Variants in IL36RN observed in about 807,000 individuals in gnomAD.
The protein encoded by IL36RN is interleukin 36 receptor antagonist.
Under a neutral mutation model 13.0 loss-of-function variants are expected in IL36RN, and 11 were observed. The ratio of observed to expected loss-of-function variants is 0.85; its 90% CI spans 0.53 to 1.40. The LOEUF (loss-of-function observed/expected upper bound fraction) is 1.40. Among genes scored for constraint, IL36RN ranks in the 40% most tolerant of loss-of-function variants. The probability of loss-of-function intolerance (pLI) is 0.00; values close to 1 mark genes in which losing one functional copy is unlikely to be tolerated. For missense variants in IL36RN, 195 were observed against 195.3 expected, an observed-to-expected ratio of 1.00 and a Z score of 0.01; for synonymous variants, 94 against 84.1, an observed-to-expected ratio of 1.12 and a Z score of -0.64.
Position 113,064,592 on chromosome 2 carries a change from G to C in IL36RN, c.*1915G>C, listed in dbSNP as rs887575232. The C allele has an allele frequency of 6.6e-6, 1 of 152,162 alleles. No homozygotes were observed. The highest frequency in any genetic ancestry group is 2.1e-4 in the South Asian group (1 of 4,826). 9.4% of individuals were successfully genotyped at this position (152,162 alleles called of 1,614,324 possible). A position where few individuals can be genotyped will look rare whatever the true frequency, so the allele number is the denominator to read the frequency against. Reference sequence around the variant, plus strand: ...TGAGCAGGCCTATAAAGAGACTTACGTGGTAAAAAATGAAGTCTCCTGCCC... The same window carrying C: ...TGAGCAGGCCTATAAAGAGACTTACCTGGTAAAAAATGAAGTCTCCTGCCC... On this transcript the variant is annotated 3_prime_UTR_variant, in exon 5 of 5. Coordinates refer to ENST00000393200, the MANE Select transcript of IL36RN (RefSeq NM_012275.3).
chr2:113,059,098 T>A, upstream of IL36RN: 1 of 394,580 alleles, frequency 2.5e-6, no homozygotes, highest in South Asian at 2.8e-5. Context: ...CTTAGGGTGA[T>A]GTGAAATCAC....
chr2:113,062,424 T>G lies in IL36RN; in HGVS notation c.244-29T>G, dbSNP rs200081179. 6 of 1,612,902 alleles carry G rather than the reference T, an allele frequency of 3.7e-6. No homozygotes were observed. The East Asian group carries it at 6.7e-5, about 18-fold the overall frequency. On this transcript the variant is annotated intron_variant, in intron 4 of 4. Transcript: ENST00000393200. ...CCTCCCTCTGCCCCTGCTTCTGCCCTCACCTGACCTCCCCTCCTCTGCCGG... is the reference window on the plus strand; with the variant it reads ...CCTCCCTCTGCCCCTGCTTCTGCCCGCACCTGACCTCCCCTCCTCTGCCGG...
chr2:113,059,819 G>A (rs1311526715), intron 2 of IL36RN, among the ~76,000 whole-genome samples: 6 of 152,234 alleles, frequency 3.9e-5, no homozygotes, highest in South Asian at 2.1e-4. Context: ...CCCACTCTGT[G>A]CCCCTGCCTC....
chr2:113,062,752 C>T lies in IL36RN; in HGVS notation c.*75C>T. 1 of 1,283,164 alleles carries T rather than the reference C, an allele frequency of 7.8e-7. No homozygotes were observed. The highest frequency in any genetic ancestry group is 1.1e-6 in the Non-Finnish European group (1 of 908,150). 79.5% of individuals were successfully genotyped at this position (1,283,164 alleles called of 1,614,324 possible). A position where few individuals can be genotyped will look rare whatever the true frequency, so the allele number is the denominator to read the frequency against. ...GTGAGTGGAGGAGACCCATGGCGGACAATCACTCTCTCTGCTCTCAGGACC... is the reference window on the plus strand; with the variant it reads ...GTGAGTGGAGGAGACCCATGGCGGATAATCACTCTCTCTGCTCTCAGGACC... On this transcript the variant is annotated 3_prime_UTR_variant, in exon 5 of 5. Transcript: ENST00000393200.
In IL36RN at chr2:113,063,963, G is replaced by C. The variant is rs767556707; in HGVS notation, c.*1286G>C. ...AGTCTGTGAGTTTATTTGGAGATAA[G>C]GTCTCTGCAGATGTAGTTAGTTAAG... On this transcript the variant is annotated 3_prime_UTR_variant, in exon 5 of 5. Coordinates refer to ENST00000393200, the MANE Select transcript of IL36RN (RefSeq NM_012275.3). 6.6e-6 allele frequency: 1 copy of C among 152,192 alleles called. No homozygotes were observed. Among genetic ancestry groups the C allele is most frequent in the Non-Finnish European group, 1.5e-5 (1 of 68,044 alleles). The allele number at this position is 152,192 out of a possible 1,614,324, so 9.4% of individuals were successfully genotyped here.
chr2:113,062,904 T>A lies in IL36RN; in HGVS notation c.*227T>A. The A allele has an allele frequency of 1.7e-6, 1 of 571,516 alleles. No individual in the cohort carries two copies. 35.4% of individuals were successfully genotyped at this position (571,516 alleles called of 1,614,324 possible). On this transcript the variant is annotated 3_prime_UTR_variant, in exon 5 of 5. Transcript: ENST00000393200. ...ATGGTGCTACTGCTGTGGAATCTTG[T>A]AAAAACCATGTGGGGTAAACTGGGA... is the stretch of plus-strand genomic sequence containing the variant.
At position 113,063,167 on chromosome 2, in the gene IL36RN, A is replaced by C; in HGVS notation, c.*490A>C. The C allele has an allele frequency of 9.3e-6, 2 of 215,602 alleles. No individual in the cohort carries two copies. The highest frequency in any genetic ancestry group is 8.0e-5 in the South Asian group (1 of 12,446). 13.4% of individuals were successfully genotyped at this position (215,602 alleles called of 1,614,324 possible). The stretch of plus-strand genomic sequence containing the variant: ...GCCCAGCCCCACCTCCTTCCCTTTA[A>C]TCCTGCCACTGTCATATGCTACCTT... On this transcript the variant is annotated 3_prime_UTR_variant, in exon 5 of 5. Transcript: ENST00000393200.
At chr2:113,060,734 G>T in intron 2 of IL36RN, 118 bp from the exon 3 acceptor site, 1 of 756,910 alleles carries the variant, frequency 1.3e-6, no homozygotes, top group Non-Finnish European at 2.4e-6. Flanking sequence ...GTTACTTCTG[G>T]CACAGTAGGA....
Position 113,060,936 on chromosome 2 carries a change from AGGTTGG to A in IL36RN, c.115_115+5del. The stretch of plus-strand genomic sequence containing the variant: ...GGCTGCATGCAGGGAAGGTCATTAA[AGGTTGG>A]TGATGAAACATGACCCACTTTCCTT... On this transcript the variant is annotated splice_donor_variant and splice_donor_5th_base_variant and coding_sequence_variant and intron_variant, in exon 3 of 5. Coordinates refer to ENST00000393200, the MANE Select transcript of IL36RN (RefSeq NM_012275.3). LOFTEE classifies it high-confidence loss of function. The A allele has an allele frequency of 6.2e-7, 1 of 1,613,190 alleles. No homozygotes were observed. The highest frequency in any genetic ancestry group is 8.5e-7 in the Non-Finnish European group (1 of 1,179,094).
chr2:113,062,784 T>A lies in IL36RN; in HGVS notation c.*107T>A. On this transcript the variant is annotated 3_prime_UTR_variant, in exon 5 of 5. Transcript: ENST00000393200. Reference sequence around the variant, plus strand: ...TCTCTCTGCTCTCAGGACCCCCACGTCTGACTTAGTGGGCACCTGACCACT... The same window carrying A: ...TCTCTCTGCTCTCAGGACCCCCACGACTGACTTAGTGGGCACCTGACCACT... 2 of 987,738 alleles carry A rather than the reference T, an allele frequency of 2.0e-6. No individual in the cohort carries two copies. The highest frequency in any genetic ancestry group is 3.1e-6 in the Non-Finnish European group (2 of 647,086). 61.2% of individuals were successfully genotyped at this position (987,738 alleles called of 1,614,324 possible). A position where few individuals can be genotyped will look rare whatever the true frequency, so the allele number is the denominator to read the frequency against.
In IL36RN at chr2:113,063,277, A is replaced by G. The variant is rs960772400; in HGVS notation, c.*600A>G. On this transcript the variant is annotated 3_prime_UTR_variant, in exon 5 of 5. Transcript: ENST00000393200. ...ATGGCTCGAGCTCAGAAGATAAAAG[A>G]TAAGTAGGGTATGCTGATCCTCTTT... 2 of 167,618 alleles carry G rather than the reference A, an allele frequency of 1.2e-5. No individual in the cohort carries two copies. The highest frequency in any genetic ancestry group is 4.8e-5 in the African/African-American group (2 of 41,792). The allele number at this position is 167,618 out of a possible 1,614,324, so 10.4% of individuals were successfully genotyped here. A position where few individuals can be genotyped will look rare whatever the true frequency, so the allele number is the denominator to read the frequency against.
At position 113,060,910 on chromosome 2, in the gene IL36RN, G is replaced by A. The variant is rs147389610; in HGVS notation, c.88G>A (p.Gly30Arg). ...GCATAATAACCAGCTTCTAGCTGGA[G>A]GGCTGCATGCAGGGAAGGTCATTAA... Reference protein sequence around the residue: ...YLHNNQLLAGGLHAGKVIKGE... With the variant: ...YLHNNQLLAGRLHAGKVIKGE... The change falls in exon 3 of 5, where the codon GGG becomes AGG. Residue 30 changes from glycine (G) to arginine (R), a missense_variant. Gly to Arg is a moderately radical substitution (Grantham distance 125). Coordinates refer to ENST00000393200, the MANE Select transcript of IL36RN (RefSeq NM_012275.3). 1 of 1,614,066 alleles carries A rather than the reference G, an allele frequency of 6.2e-7. No individual in the cohort carries two copies. Among genetic ancestry groups the A allele is most frequent in the Non-Finnish European group, 8.5e-7 (1 of 1,179,902 alleles).
intron 3 of IL36RN, 115 bp from the exon 4 acceptor site, chr2:113,062,009 T>C: frequency 6.9e-7 from 1 of 1,440,766 alleles, no homozygotes; most frequent in Non-Finnish European, 9.5e-7. Context: ...GAAGCCTCCC[T>C]TCTGCCCAGC....
At position 113,062,471 on chromosome 2, in the gene IL36RN, CTCT is replaced by C. The variant is rs1685662518; in HGVS notation, c.263_265del (p.Leu88_Tyr89delinsHis). 6.2e-7 allele frequency: 1 copy of C among 1,614,008 alleles called. No individual in the cohort carries two copies. The highest frequency in any genetic ancestry group is 8.5e-7 in the Non-Finnish European group (1 of 1,180,028). On this transcript the variant is annotated inframe_deletion, in exon 5 of 5. Transcript: ENST00000393200. ...CCGGCAGCCAGTGAACATCATGGAG[CTCT>C]ATCTTGGTGCCAAGGAATCCAAGAG...
At chr2:113,062,348 C>A (rs1404330918) in intron 4 of IL36RN, 97 bp downstream of exon 4, 1 of 1,606,766 alleles carries the variant, frequency 6.2e-7, no homozygotes, top group Non-Finnish European at 8.5e-7. Context: ...GACACCCTAG[C>A]AGGATTCTGT....
At chr2:113,061,650 A>G (rs890820235) in intron 3 of IL36RN, among the ~76,000 whole-genome samples, 22 of 152,112 alleles carry the variant, frequency 1.4e-4, no homozygotes, top group South Asian at 4.1e-4. Context: ...ATGTGTGTGT[A>G]TATGTATATG....
At position 113,062,648 on chromosome 2, in the gene IL36RN, A is replaced by G; in HGVS notation, c.439A>G (p.Thr147Ala). The change falls in exon 5 of 5, where the codon ACA becomes GCA. Residue 147 changes from threonine to alanine, a missense_variant. By Grantham distance (58) the Thr-to-Ala change is moderately conservative. Transcript: ENST00000393200. ...GAATGGTGGCTGGAATGCCCCCATC[A>G]CAGACTTCTACTTCCAGCAGTGTGA... ...PENGGWNAPITDFYFQQCD is the reference protein window; with the variant it reads ...PENGGWNAPIADFYFQQCD 2 of 1,612,352 alleles carry G rather than the reference A, an allele frequency of 1.2e-6. No individual in the cohort carries two copies. The highest frequency in any genetic ancestry group is 1.7e-6 in the Non-Finnish European group (2 of 1,179,970).
upstream of IL36RN, chr2:113,058,645 C>A (rs543521597): frequency 6.6e-6 from 1 of 152,266 alleles, no homozygotes; most frequent in African/African-American, 2.4e-5. Flanking sequence ...GCAGGAGAGT[C>A]CCACCTCTAA....
chr2:113,062,389 C>A, intron 4 of IL36RN, 64 bp from the exon 5 acceptor site: 29 of 1,604,868 alleles, frequency 1.8e-5, no homozygotes, highest in Non-Finnish European at 2.3e-5. Context: ...CCCTAAGGAT[C>A]CTGCCCAGCC....
Sources: allele counts gnomAD v4.1 joint callset (sites outside exome capture counted in the v4.1 genomes callset), GRCh38; gene constraint gnomAD v4.1.1; transcripts MANE v1.5; gene names NCBI Gene and HGNC (gene_info 2026-07-23, HGNC 2026-07-21).